Variants in ZNF521 observed in about 807,000 individuals in gnomAD.
The protein encoded by ZNF521 is LYST-interacting protein 3.
In ZNF521, 14 loss-of-function variants were observed where a neutral mutation model predicts 105.5. The ratio of observed to expected loss-of-function variants is 0.13; its 90% CI spans 0.09 to 0.21. ZNF521 has a LOEUF of 0.21. Ranked by LOEUF, ZNF521 falls within the 10% of genes least tolerant of loss-of-function variation. ZNF521 has a pLI of 1.00. For synonymous variants in ZNF521, 635 were observed against 606.0 expected (o/e 1.05, Z -0.70); for missense variants, 1,233 against 1,629.7 (o/e 0.76, Z 4.19).
chr18:25,087,226 T>C (rs986068327), intron 7 of ZNF521, among the ~76,000 whole-genome samples: 9 of 152,196 alleles, frequency 5.9e-5, no homozygotes, highest in Non-Finnish European at 8.8e-5. Context: ...AAGGAGTCTG[T>C]GATTGGTCTA....
At chr18:25,294,405 T>C (rs8088486) in intron 3 of ZNF521, among the ~76,000 whole-genome samples, 62,393 of 152,126 alleles carry the variant, frequency 0.41, 13,121 homozygotes, top group South Asian at 0.56. Context: ...GCCTAGGATG[T>C]CTTCTTCTGA....
intron 7 of ZNF521, among the ~76,000 whole-genome samples, chr18:25,068,921 A>G (rs1326767897): frequency 6.6e-6 from 1 of 152,240 alleles, no homozygotes; most frequent in African/African-American, 2.4e-5. Context: ...CCTAACAGCT[A>G]TTAGAGTACA....
At chr18:25,182,126 C>A (rs1409569240) in intron 5 of ZNF521, among the ~76,000 whole-genome samples, 2 of 151,964 alleles carry the variant, frequency 1.3e-5, no homozygotes, top group African/African-American at 2.4e-5. Context: ...GCTCTTTGGA[C>A]AGAAGGTAGT....
chr18:25,083,764 T>TTGTC (rs1212158742), intron 7 of ZNF521, among the ~76,000 whole-genome samples: 1 of 150,466 alleles, frequency 6.6e-6, no homozygotes, highest in Non-Finnish European at 1.5e-5. Flanking sequence ...TTTTGTTTGT[T>TTGTC]TGTTTGTTTG....
rs2032926255 is a variant in ZNF521 at position 25,062,583 on chromosome 18, T to C, written c.*129A>G. The C allele has an allele frequency of 7.9e-7, 1 of 1,263,160 alleles. No homozygotes were observed. Among genetic ancestry groups the C allele is most frequent in the Non-Finnish European group, 1.1e-6 (1 of 897,704 alleles). 78.2% of individuals were successfully genotyped at this position (1,263,160 alleles called of 1,614,324 possible). On this transcript the variant is annotated 3_prime_UTR_variant, in exon 8 of 8. Transcript: ENST00000361524. Reference sequence around the variant, plus strand: ...ACATGAACATCCAACAGTTTGATAATACAAGTTTTATGGTACAATACAATG... The same window carrying C: ...ACATGAACATCCAACAGTTTGATAACACAAGTTTTATGGTACAATACAATG...
chr18:25,225,062 G>A lies in ZNF521; in HGVS notation c.2856C>T (p.His952=), dbSNP rs1906015639. The change falls in exon 4 of 8, where the codon CAC becomes CAT. Residue 952 remains histidine (H), a synonymous_variant. Coordinates refer to ENST00000361524, the MANE Select transcript of ZNF521 (RefSeq NM_015461.3). The surrounding 1 kb of genome is among the most constrained non-coding windows in gnomAD (Gnocchi z 5.6). ...ACATGTAGTGTTTGACAGGGCCTAG[G>A]TGGGTCTGCATATGTTCCCGGAGGC... ...ENGLREHMQT[H]LGPVKHYMCP... is the part of the protein sequence containing the mutation. The A allele has an allele frequency of 5.6e-6, 9 of 1,614,080 alleles. No homozygotes were observed. The East Asian group carries it at 2.0e-4, about 36-fold the overall frequency.
intron 2 of ZNF521, among the ~76,000 whole-genome samples, chr18:25,330,079 C>T (rs1346393367): frequency 6.6e-6 from 1 of 152,084 alleles, no homozygotes; most frequent in African/African-American, 2.4e-5. Context: ...TTTCTTTTAC[C>T]CATATTCTCA....
At chr18:25,310,878 A>AT (rs1483589143) in intron 3 of ZNF521, among the ~76,000 whole-genome samples, 1 of 152,150 alleles carries the variant, frequency 6.6e-6, no homozygotes. Context: ...TTCCAAATAT[A>AT]TTTTTTAGCA....
intron 3 of ZNF521, among the ~76,000 whole-genome samples, chr18:25,261,391 T>C (rs1305143548): frequency 6.6e-6 from 1 of 152,134 alleles, no homozygotes; most frequent in African/African-American, 2.4e-5. Context: ...AATTTTACAA[T>C]TTTATGCTAT....
chr18:25,258,840 G>T (rs1467443380), intron 3 of ZNF521, among the ~76,000 whole-genome samples: 2 of 151,910 alleles, frequency 1.3e-5, no homozygotes, highest in East Asian at 3.9e-4. Flanking sequence ...TACACAACAG[G>T]GTAAGTGAAA....
chr18:25,273,061 T>C (rs1909772197), intron 3 of ZNF521, among the ~76,000 whole-genome samples: 1 of 150,820 alleles, frequency 6.6e-6, no homozygotes, highest in South Asian at 2.1e-4. Context: ...ATCCTCTCTC[T>C]ACAAAAAATA....
At chr18:25,156,059 G>A (rs904280537) in intron 5 of ZNF521, among the ~76,000 whole-genome samples, 5 of 152,178 alleles carry the variant, frequency 3.3e-5, no homozygotes, top group South Asian at 2.1e-4. Context: ...TAGTGATAGT[G>A]TACTGTACTC....
intron 3 of ZNF521, 66 bp downstream of exon 3, chr18:25,321,930 AAACACATAAAGG>A: frequency 7.3e-7 from 1 of 1,370,886 alleles, no homozygotes; most frequent in African/African-American, 1.5e-5. Context: ...TTGAAGAGAA[AAACACATAAAGG>A]AACAAACTGA....
intron 2 of ZNF521, among the ~76,000 whole-genome samples, chr18:25,349,202 T>C (rs1357982897): frequency 6.6e-6 from 1 of 152,144 alleles, no homozygotes; most frequent in South Asian, 2.1e-4. Context: ...AGGAAGAGGT[T>C]TGTCCTGGTA....
chr18:25,245,595 T>G (rs1344267193), intron 3 of ZNF521, among the ~76,000 whole-genome samples: 1 of 152,240 alleles, frequency 6.6e-6, no homozygotes, highest in Admixed American at 6.5e-5. Context: ...ACCCATTTGT[T>G]CATCAAACGG....
intron 3 of ZNF521, among the ~76,000 whole-genome samples, chr18:25,309,311 G>A (rs1912165185): frequency 6.6e-6 from 1 of 152,218 alleles, no homozygotes; most frequent in Non-Finnish European, 1.5e-5. Flanking sequence ...ATTGAGGTTA[G>A]AAGATGGTAT....
chr18:25,257,246 G>T (rs1474254847), intron 3 of ZNF521, among the ~76,000 whole-genome samples: 6 of 152,130 alleles, frequency 3.9e-5, no homozygotes, highest in African/African-American at 1.4e-4. Flanking sequence ...TTTTAGAAAA[G>T]ATCTATTTTA....
In ZNF521 at chr18:25,309,651, G is replaced by T. The variant is rs533121687; in HGVS notation, c.220+12357C>A. Among the ~76,000 whole-genome samples, 19 of 152,166 alleles carry T rather than the reference G, an allele frequency of 1.2e-4. No homozygotes were observed. In the East Asian group the frequency reaches 3.7e-3, roughly 29 times the overall value. On this transcript the variant is annotated intron_variant, in intron 3 of 7. Coordinates refer to ENST00000361524, the MANE Select transcript of ZNF521 (RefSeq NM_015461.3). Reference sequence around the variant, plus strand: ...TGGTGAAAAGCAAATATTTTGCATAGAAAATAAAATTAGGTATAAGAAATA... The same window carrying T: ...TGGTGAAAAGCAAATATTTTGCATATAAAATAAAATTAGGTATAAGAAATA...
chr18:25,320,329 C>T (rs765864142), intron 3 of ZNF521, among the ~76,000 whole-genome samples: 15 of 152,066 alleles, frequency 9.9e-5, no homozygotes, highest in Non-Finnish European at 1.6e-4. Context: ...CGTGCCACCA[C>T]GCACGGCTAA....
Sources: gnomAD v4.1 joint callset for allele counts (sites outside exome capture counted in the v4.1 genomes callset) on GRCh38, gnomAD v4.1.1 for gene constraint, Gnocchi (gnomAD v3.1) non-coding constraint, MANE v1.5 for transcripts, NCBI Gene and HGNC (gene_info 2026-07-23, HGNC 2026-07-21) for gene names.